Variants in TSHZ3 observed in about 807,000 individuals in gnomAD.
The protein encoded by TSHZ3 is teashirt homolog 3.
In TSHZ3, 10 loss-of-function variants were observed where a neutral mutation model predicts 64.5. That is an observed-to-expected ratio of 0.16 (90% CI 0.10 to 0.26). The LOEUF (loss-of-function observed/expected upper bound fraction) is 0.26, where lower values mean the gene tolerates loss of function less well. TSHZ3 is among the 10% of genes least tolerant of loss of function. The pLI, the probability that TSHZ3 is intolerant of heterozygous loss-of-function variation, is 1.00. For missense variants in TSHZ3, 1,242 were observed against 1,421.7 expected, an observed-to-expected ratio of 0.87 and a Z score of 2.03; for synonymous variants, 608 against 593.1, an observed-to-expected ratio of 1.03 and a Z score of -0.36.
intron 3 of TSHZ3, among the ~76,000 whole-genome samples, chr19:31,233,935 C>CAA (rs35438995): frequency 9.4e-4 from 111 of 118,172 alleles, no homozygotes; most frequent in Admixed American, 3.5e-3. Context: ...TAATTCCTAC[C>CAA]AAAAAAAAAA....
At chr19:31,250,828 G>A (rs539461745) in intron 1 of TSHZ3, among the ~76,000 whole-genome samples, 1 of 152,312 alleles carries the variant, frequency 6.6e-6, no homozygotes, top group South Asian at 2.1e-4. Flanking sequence ...GGCAGTAGCT[G>A]CTGTCATCTG....
chr19:31,275,203 A>G lies in TSHZ3; in HGVS notation c.*1344T>C, dbSNP rs1976206661. ...CCACGGGTTACCTTTCATAAGCCTA[A>G]AGATAAAGCTGCAGTGTGGGATCTT... On this transcript the variant is annotated 3_prime_UTR_variant, in exon 2 of 2. Transcript: ENST00000240587. The G allele has an allele frequency of 6.6e-6, 1 of 152,598 alleles. No homozygotes were observed. The allele number at this position is 152,598 out of a possible 1,614,324, so 9.5% of individuals were successfully genotyped here. A position where few individuals can be genotyped will look rare whatever the true frequency, so the allele number is the denominator to read the frequency against.
intron 1 of TSHZ3, among the ~76,000 whole-genome samples, chr19:31,288,728 T>A (rs548828064): frequency 6.6e-6 from 1 of 152,118 alleles, no homozygotes; most frequent in East Asian, 1.9e-4. Context: ...TTTTTTAGAG[T>A]TGGGGTCTTG....
chr19:31,300,315 A>G (rs532223883), intron 1 of TSHZ3, among the ~76,000 whole-genome samples: 77 of 152,368 alleles, frequency 5.1e-4, no homozygotes, highest in Non-Finnish European at 7.8e-4. Flanking sequence ...AAACAAGAGC[A>G]GCTTCAATAA....
At chr19:31,207,781 A>G (rs1162681563) in intron 4 of TSHZ3, 7 of 152,304 alleles carry the variant, frequency 4.6e-5, no homozygotes, top group Non-Finnish European at 8.8e-5. Flanking sequence ...GTGTTTTTAT[A>G]TACTTGGCAC....
intron 3 of TSHZ3, among the ~76,000 whole-genome samples, chr19:31,240,560 G>A (rs1157646943): frequency 6.6e-6 from 1 of 152,112 alleles, no homozygotes; most frequent in Non-Finnish European, 1.5e-5. Flanking sequence ...ATGGACGTGA[G>A]AAAGGCAAAT....
chr19:31,288,831 G>A (rs1179768456), intron 1 of TSHZ3, among the ~76,000 whole-genome samples: 2 of 152,192 alleles, frequency 1.3e-5, no homozygotes, highest in Non-Finnish European at 2.9e-5. Flanking sequence ...TTGAGCCACG[G>A]AGCCAGGCAG....
intron 4 of TSHZ3, among the ~76,000 whole-genome samples, chr19:31,213,862 C>T (rs767055004): frequency 6.6e-6 from 1 of 152,222 alleles, no homozygotes; most frequent in African/African-American, 2.4e-5. Flanking sequence ...TTCTTCTGAG[C>T]CTCGAGCTGC....
intron 5 of TSHZ3, among the ~76,000 whole-genome samples, chr19:31,199,050 G>A (rs1568345151): frequency 1.3e-5 from 2 of 152,050 alleles, no homozygotes; most frequent in African/African-American, 4.8e-5. Context: ...AGATGATGTG[G>A]TATCGTCAAA....
At chr19:31,253,360 T>G (rs1268441932) in intron 1 of TSHZ3, among the ~76,000 whole-genome samples, 2 of 152,136 alleles carry the variant, frequency 1.3e-5, no homozygotes, top group African/African-American at 4.8e-5. Context: ...AGAACAGGAT[T>G]TTTTTTAAGA....
intron 1 of TSHZ3, among the ~76,000 whole-genome samples, chr19:31,309,718 C>G (rs1258637868): frequency 6.6e-6 from 1 of 152,204 alleles, no homozygotes; most frequent in African/African-American, 2.4e-5. Flanking sequence ...ATGACGGCTC[C>G]TAAGACTGTT....
At chr19:31,173,791 AT>A (rs1224545116) in intron 5 of TSHZ3, among the ~76,000 whole-genome samples, 3 of 152,202 alleles carry the variant, frequency 2.0e-5, no homozygotes, top group Non-Finnish European at 4.4e-5. Context: ...AAACAGATTT[AT>A]TATACAGAAT....
At chr19:31,250,495 T>G (rs1029238503) in intron 1 of TSHZ3, among the ~76,000 whole-genome samples, 1 of 152,208 alleles carries the variant, frequency 6.6e-6, no homozygotes, top group African/African-American at 2.4e-5. Flanking sequence ...ATTGCTGGCA[T>G]ACCAGTACCT....
rs866064357 is a variant in TSHZ3, at chr19:31,268,026, T to G, written n.64-25151A>C. Among the ~76,000 whole-genome samples, 65 of 152,262 alleles carry G rather than the reference T, an allele frequency of 4.3e-4. 1 individual carries two copies. The highest frequency in any genetic ancestry group is 6.8e-3 in the Middle Eastern group (2 of 294). ...ATGAGAGGGTCCTGGTGGGAGGTAA[T>G]TGAATCATGGGGGTGGGTCTTTCCC... On this transcript the variant is annotated intron_variant and non_coding_transcript_variant, in intron 1 of 6. Coordinates refer to the TSHZ3 transcript ENST00000651361.
At chr19:31,336,649 A>T (rs909916556) in intron 1 of TSHZ3, among the ~76,000 whole-genome samples, 2 of 152,158 alleles carry the variant, frequency 1.3e-5, no homozygotes, top group Non-Finnish European at 2.9e-5. Flanking sequence ...GTCTCACTCC[A>T]GTTCTTCGGG....
At chr19:31,203,112 A>G (rs981791554) in intron 5 of TSHZ3, among the ~76,000 whole-genome samples, 2 of 152,136 alleles carry the variant, frequency 1.3e-5, no homozygotes, top group Non-Finnish European at 2.9e-5. Context: ...AGGGTGCCAT[A>G]GAGGTTTAGA....
chr19:31,283,107 C>A (rs1976394213), intron 1 of TSHZ3, among the ~76,000 whole-genome samples: 2 of 152,172 alleles, frequency 1.3e-5, no homozygotes, highest in Non-Finnish European at 2.9e-5. Context: ...CCAAGGCAGG[C>A]AGACTGCCTG....
chr19:31,231,543 CA>C (rs548830449), intron 3 of TSHZ3, among the ~76,000 whole-genome samples: 86 of 152,276 alleles, frequency 5.6e-4, no homozygotes, highest in Admixed American at 1.2e-3. Context: ...TAGTGTAAAA[CA>C]TGATGTTTTT....
Position 31,226,977 on chromosome 19 carries a change from C to CTTTTTT in TSHZ3, n.686+1022_686+1027dup, listed in dbSNP as rs3030229. On this transcript the variant is annotated intron_variant and non_coding_transcript_variant, in intron 4 of 6. Coordinates refer to the TSHZ3 transcript ENST00000651361. ...TTTTCTTCTCTTTCTTTCTTTCTTT[C>CTTTTTT]TTTTTTTTTTTTTTTTTTTGAGATG... 8.5e-3 allele frequency among the ~76,000 whole-genome samples: 561 copies of CTTTTTT among 65,616 alleles called. 33 individuals carry two copies. The highest frequency in any genetic ancestry group is 0.04 in the African/African-American group (407 of 10,286). 43.0% of individuals were successfully genotyped at this position (65,616 alleles called of 152,430 possible). A position where few individuals can be genotyped will look rare whatever the true frequency, so the allele number is the denominator to read the frequency against.
Sources: allele counts gnomAD v4.1 joint callset (sites outside exome capture counted in the v4.1 genomes callset), GRCh38; gene constraint gnomAD v4.1.1; transcripts MANE v1.5; gene names NCBI Gene and HGNC (gene_info 2026-07-23, HGNC 2026-07-21).